The following TMEM132D variants were observed in gnomAD, a reference collection of about 807,000 sequenced individuals.
TMEM132D encodes the protein transmembrane protein 132D, also known as mature OL transmembrane protein.
In TMEM132D, 21 loss-of-function variants were observed where a neutral mutation model predicts 62.3. That is an observed-to-expected ratio of 0.34 (90% CI 0.24 to 0.49). The LOEUF is 0.49. Among genes scored for constraint, TMEM132D ranks in the 20% least tolerant of loss-of-function variants. The pLI, the probability that TMEM132D is intolerant of heterozygous loss-of-function variation, is 0.99. For synonymous variants in TMEM132D, 621 were observed against 575.6 expected (o/e 1.08, Z -1.13); for missense variants, 1,346 against 1,402.8 (o/e 0.96, Z 0.65).
intron 1 of TMEM132D, among the ~76,000 whole-genome samples, chr12:129,839,117 A>ATTTTTTTT (rs71085578): frequency 0.12 from 2,555 of 20,676 alleles, 989 homozygotes; most frequent in South Asian, 0.16. Flanking sequence ...CGCCTGGCTA[A>ATTTTTTTT]TTTTTTTTTT....
intron 4 of TMEM132D, among the ~76,000 whole-genome samples, chr12:129,246,749 G>A (rs1220697324): frequency 7.2e-6 from 1 of 138,120 alleles, no homozygotes; most frequent in Non-Finnish European, 1.6e-5. Flanking sequence ...CTGAGCGACA[G>A]AGCAAGACTC....
At chr12:129,551,258 G>C (rs546544051) in intron 2 of TMEM132D, among the ~76,000 whole-genome samples, 46 of 152,214 alleles carry the variant, frequency 3.0e-4, no homozygotes, top group Non-Finnish European at 6.3e-4. Context: ...ATAAGAAAAT[G>C]GTGGTTGTTT....
intron 4 of TMEM132D, among the ~76,000 whole-genome samples, chr12:129,280,034 T>C: frequency 6.6e-6 from 1 of 152,216 alleles, no homozygotes; most frequent in East Asian, 1.9e-4. Flanking sequence ...ACAATGTTAA[T>C]TACACTTTAT....
intron 3 of TMEM132D, among the ~76,000 whole-genome samples, chr12:129,486,351 T>G (rs78725083): frequency 0.016 from 2,439 of 152,282 alleles, 56 homozygotes; most frequent in African/African-American, 0.054. Flanking sequence ...AGGTCTTTCT[T>G]CTGGGTGAAT....
intron 5 of TMEM132D, among the ~76,000 whole-genome samples, chr12:129,197,031 C>T (rs1465103979): frequency 6.6e-6 from 1 of 152,086 alleles, no homozygotes; most frequent in African/African-American, 2.4e-5. Flanking sequence ...GGCACTTTCT[C>T]TACAGAGGAC....
intron 5 of TMEM132D, among the ~76,000 whole-genome samples, chr12:129,183,823 C>A (rs1878137524): frequency 6.8e-6 from 1 of 146,062 alleles, no homozygotes; most frequent in South Asian, 2.1e-4. Context: ...ACGGATGATT[C>A]TTTGGAGCTG....
chr12:129,444,810 T>C (rs1470023963), intron 3 of TMEM132D, among the ~76,000 whole-genome samples: 1 of 152,196 alleles, frequency 6.6e-6, no homozygotes. Context: ...GAATGGCTAC[T>C]ATCAAAAAGT....
At chr12:129,645,779 T>C (rs1480544465) in intron 2 of TMEM132D, among the ~76,000 whole-genome samples, 1 of 152,160 alleles carries the variant, frequency 6.6e-6, no homozygotes, top group East Asian at 1.9e-4. Flanking sequence ...CGGAGTGACC[T>C]CTGGTTACCC....
intron 3 of TMEM132D, among the ~76,000 whole-genome samples, chr12:129,420,273 A>C (rs1253858321): frequency 7.2e-6 from 1 of 139,754 alleles, no homozygotes; most frequent in African/African-American, 2.8e-5. Context: ...AAACAACATT[A>C]TGAAGTTAAT....
intron 1 of TMEM132D, among the ~76,000 whole-genome samples, chr12:129,875,867 T>A (rs1646959368): frequency 1.3e-5 from 2 of 152,186 alleles, no homozygotes; most frequent in Admixed American, 1.3e-4. Context: ...ATTCTGTTGA[T>A]CAAACACAAC....
Position 129,903,668 on chromosome 12 carries a change from C to T in TMEM132D, c.-329G>A, listed in dbSNP as rs1875450540. On this transcript the variant is annotated 5_prime_UTR_variant, in exon 1 of 9. Coordinates refer to ENST00000422113, the MANE Select transcript of TMEM132D (RefSeq NM_133448.3). The surrounding 1 kb of genome is among the most constrained non-coding windows in gnomAD (Gnocchi z 6.2). ...CCTGTTTACCCGAGCGAAGAGTGGC[C>T]CCCGGTGGCCCAAGGAGGGGCGCCT... 1 of 198,312 alleles carries T rather than the reference C, an allele frequency of 5.0e-6. No homozygotes were observed. The highest frequency in any genetic ancestry group is 1.0e-5 in the Non-Finnish European group (1 of 98,702). 12.3% of individuals were successfully genotyped at this position (198,312 alleles called of 1,614,324 possible).
chr12:129,204,403 T>G (rs149797638), intron 5 of TMEM132D, among the ~76,000 whole-genome samples: 1 of 152,246 alleles, frequency 6.6e-6, no homozygotes, highest in Non-Finnish European at 1.5e-5. Flanking sequence ...AAAAGCAGAA[T>G]AGACCTAGCT....
chr12:129,588,080 A>G (rs1414689215), intron 2 of TMEM132D, among the ~76,000 whole-genome samples: 5 of 152,204 alleles, frequency 3.3e-5, no homozygotes. Flanking sequence ...AACTTGCCTT[A>G]TTAGTCTCCA....
chr12:129,652,463 C>A lies in TMEM132D; in HGVS notation c.968+47347G>T, dbSNP rs142118905. Among the ~76,000 whole-genome samples, 343 of 152,286 alleles carry A rather than the reference C, an allele frequency of 2.3e-3. 4 individuals carry two copies. The highest frequency in any genetic ancestry group is 0.012 in the East Asian group (64 of 5,182). ...GGAATTGAGGTTGCTAATCAGCTGACCTCAAGATAAAGAGATCATCTTGGA... is the reference window on the plus strand; with the variant it reads ...GGAATTGAGGTTGCTAATCAGCTGAACTCAAGATAAAGAGATCATCTTGGA... On this transcript the variant is annotated intron_variant, in intron 2 of 8. Coordinates refer to ENST00000422113, the MANE Select transcript of TMEM132D (RefSeq NM_133448.3).
At chr12:129,859,365 C>T (rs1016525201) in intron 1 of TMEM132D, among the ~76,000 whole-genome samples, 6 of 152,228 alleles carry the variant, frequency 3.9e-5, no homozygotes, top group African/African-American at 1.4e-4. Context: ...ACTTTTGCAC[C>T]AACATACTCG....
At chr12:129,707,000 A>G (rs1463532557) in intron 1 of TMEM132D, among the ~76,000 whole-genome samples, 1 of 151,418 alleles carries the variant, frequency 6.6e-6, no homozygotes, top group East Asian at 1.9e-4. Flanking sequence ...TAAACGAAAT[A>G]AAATTGATCA....
At chr12:129,206,827 T>G (rs1004304379) in intron 5 of TMEM132D, among the ~76,000 whole-genome samples, 2 of 152,126 alleles carry the variant, frequency 1.3e-5, no homozygotes, top group African/African-American at 2.4e-5. Context: ...CTAGAGGCCA[T>G]TATCCTAACT....
intron 2 of TMEM132D, among the ~76,000 whole-genome samples, chr12:129,601,945 T>A (rs143952719): frequency 1.8e-4 from 28 of 152,094 alleles, no homozygotes; most frequent in African/African-American, 6.5e-4. Flanking sequence ...CCATAAACCT[T>A]CAATTTATCA....
Position 129,687,846 on chromosome 12 carries a change from T to C in TMEM132D, c.968+11964A>G, listed in dbSNP as rs111303910. Among the ~76,000 whole-genome samples the C allele has an allele frequency of 2.6e-5, 4 of 152,230 alleles. No homozygotes were observed. In the East Asian group the frequency reaches 7.7e-4, roughly 29 times the overall value. ...GTTGGCCAGAGTGAATTTCTATTGC[T>C]GAGTAACAATGAACCACCTGTTAGG... On this transcript the variant is annotated intron_variant, in intron 2 of 8. Coordinates refer to ENST00000422113, the MANE Select transcript of TMEM132D (RefSeq NM_133448.3).
Sources: gnomAD v4.1 joint callset for allele counts (sites outside exome capture counted in the v4.1 genomes callset) on GRCh38, gnomAD v4.1.1 for gene constraint, Gnocchi (gnomAD v3.1) non-coding constraint, MANE v1.5 for transcripts, NCBI Gene and HGNC (gene_info 2026-07-23, HGNC 2026-07-21) for gene names.